The following ATP9B variants were observed in gnomAD, a reference collection of about 807,000 sequenced individuals.
ATP9B encodes ATPase phospholipid transporting 9B.
A neutral mutation model predicts 146.1 loss-of-function variants in ATP9B; 110 were observed. The observed-to-expected ratio is 0.75, with a 90% confidence interval of 0.65 to 0.88. The LOEUF is 0.88. Ranked by LOEUF, ATP9B falls within the 40% of genes least tolerant of loss-of-function variation. ATP9B has a pLI of 0.00. For missense variants in ATP9B, 1,499 were observed against 1,496.4 expected (o/e 1.00, Z -0.03); for synonymous variants, 604 against 569.7 (o/e 1.06, Z -0.86).
rs767485581 is a variant in ATP9B, at chr18:79,377,772, C to T, written c.*389C>T. On this transcript the variant is annotated 3_prime_UTR_variant, in exon 30 of 30. Transcript: ENST00000426216. Reference sequence around the variant, plus strand: ...CTCTCAGTGTGAGGCTTCACCCATGCTAGGCAAGCCCAGGGCACAGATGCC... The same window carrying T: ...CTCTCAGTGTGAGGCTTCACCCATGTTAGGCAAGCCCAGGGCACAGATGCC... 8 of 201,720 alleles carry T rather than the reference C, an allele frequency of 4.0e-5. No homozygotes were observed. The highest frequency in any genetic ancestry group is 8.1e-5 in the Non-Finnish European group (8 of 98,430). 12.5% of individuals were successfully genotyped at this position (201,720 alleles called of 1,614,324 possible).
At position 79,071,399 on chromosome 18, in the gene ATP9B, C is replaced by CTTTTTTTTTTTTTTTTT. The variant is rs56119715; in HGVS notation, c.119+1884_119+1885insTTTTTTTTTTTTTTTTT. On this transcript the variant is annotated intron_variant, in intron 1 of 29. Transcript: ENST00000426216. ...ATTTCCCCTTTTTCTATTGTTCTTCCTTTTTTTTTTTTTTGAGACAGGGTC... is the reference window on the plus strand; with the variant it reads ...ATTTCCCCTTTTTCTATTGTTCTTCCTTTTTTTTTTTTTTTTTTTTTTTTTTTTTTTGAGACAGGGTC... 2.4e-3 allele frequency among the ~76,000 whole-genome samples: 168 copies of CTTTTTTTTTTTTTTTTT among 69,260 alleles called. 21 individuals carry two copies. Among genetic ancestry groups the CTTTTTTTTTTTTTTTTT allele is most frequent in the East Asian group, 6.3e-3 (19 of 3,034 alleles). 45.4% of individuals were successfully genotyped at this position (69,260 alleles called of 152,430 possible). A position where few individuals can be genotyped will look rare whatever the true frequency, so the allele number is the denominator to read the frequency against.
intron 13 of ATP9B, among the ~76,000 whole-genome samples, chr18:79,299,292 C>A (rs1599755751): frequency 1.3e-5 from 2 of 152,150 alleles, no homozygotes; most frequent in South Asian, 4.2e-4. Context: ...TAGAGAGCTC[C>A]TCACCCCCTC....
chr18:79,245,313 A>T (rs1306051352), intron 11 of ATP9B, among the ~76,000 whole-genome samples: 1 of 152,208 alleles, frequency 6.6e-6, no homozygotes, highest in Non-Finnish European at 1.5e-5. Flanking sequence ...ATGATGTTGC[A>T]TGTTGAGGTT....
At chr18:79,212,691 A>G (rs2095595334) in intron 10 of ATP9B, among the ~76,000 whole-genome samples, 1 of 152,184 alleles carries the variant, frequency 6.6e-6, no homozygotes, top group South Asian at 2.1e-4. Flanking sequence ...AGCTTTTTAT[A>G]GTATTGTATT....
chr18:79,319,919 A>G (rs1369304716), intron 15 of ATP9B, among the ~76,000 whole-genome samples: 2 of 152,172 alleles, frequency 1.3e-5, no homozygotes, highest in Non-Finnish European at 2.9e-5. Flanking sequence ...TTTGCATTTT[A>G]TATGCAAATA....
intron 15 of ATP9B, among the ~76,000 whole-genome samples, chr18:79,312,602 G>T (rs1448278992): frequency 2.0e-5 from 3 of 152,222 alleles, no homozygotes; most frequent in African/African-American, 7.2e-5. Flanking sequence ...CTTTTCAGGG[G>T]CTCACAAGCG....
intron 13 of ATP9B, among the ~76,000 whole-genome samples, chr18:79,295,200 C>G (rs1380893892): frequency 6.6e-6 from 1 of 152,046 alleles, no homozygotes; most frequent in Non-Finnish European, 1.5e-5. Flanking sequence ...GTATTATTAC[C>G]AGGAAAGTGG....
At chr18:79,127,470 G>A (rs893276082) in intron 5 of ATP9B, among the ~76,000 whole-genome samples, 5 of 152,092 alleles carry the variant, frequency 3.3e-5, no homozygotes, top group Admixed American at 6.5e-5. Context: ...GCAATGTGTG[G>A]TCCTTGGTCA....
At chr18:79,194,476 T>A (rs78231777) in intron 9 of ATP9B, 4,915 of 152,346 alleles carry the variant, frequency 0.032, 118 homozygotes, top group Non-Finnish European at 0.042. Flanking sequence ...AACGGGAGCG[T>A]ATGGCTCAGT....
At chr18:79,333,066 T>A (rs1197956556) in intron 17 of ATP9B, 2 of 152,288 alleles carry the variant, frequency 1.3e-5, no homozygotes, top group African/African-American at 4.8e-5. Flanking sequence ...GTACACTGGC[T>A]TCATTAGAGT....
chr18:79,188,199 G>A (rs1483394500), intron 8 of ATP9B, among the ~76,000 whole-genome samples: 2 of 152,274 alleles, frequency 1.3e-5, no homozygotes, highest in East Asian at 1.9e-4. Context: ...GAAGAAATAT[G>A]AGAGGATGTT....
rs572074230 is a variant in ATP9B, at chr18:79,091,489, C to T, written c.120-4987C>T. Among the ~76,000 whole-genome samples the T allele has an allele frequency of 4.6e-5, 7 of 152,234 alleles. No individual in the cohort carries two copies. In the South Asian group the frequency reaches 1.5e-3, roughly 32 times the overall value. ...GTTTTATAGTTTTCATCATAGAGAT[C>T]TTTCACTTCTTCGGTGAAGTTAATT... On this transcript the variant is annotated intron_variant, in intron 1 of 29. Coordinates refer to ENST00000426216, the MANE Select transcript of ATP9B (RefSeq NM_198531.5).
chr18:79,220,391 A>G (rs1600596887), intron 11 of ATP9B, among the ~76,000 whole-genome samples: 1 of 152,174 alleles, frequency 6.6e-6, no homozygotes, highest in Non-Finnish European at 1.5e-5. Flanking sequence ...TCTTGAGCCC[A>G]GGAGTTCGAG....
At chr18:79,234,857 T>G (rs1206907360) in intron 11 of ATP9B, among the ~76,000 whole-genome samples, 1 of 152,218 alleles carries the variant, frequency 6.6e-6, no homozygotes, top group African/African-American at 2.4e-5. Flanking sequence ...ATGTTTGTAT[T>G]ATAAGCTTAT....
rs368861626 is a variant in ATP9B, at chr18:79,339,347, T to C, written c.2283+1898T>C. Among the ~76,000 whole-genome samples, 20 of 151,848 alleles carry C rather than the reference T, an allele frequency of 1.3e-4. No individual in the cohort carries two copies. The South Asian group carries it at 4.2e-3, about 32-fold the overall frequency. On this transcript the variant is annotated intron_variant, in intron 19 of 29. Coordinates refer to ENST00000426216, the MANE Select transcript of ATP9B (RefSeq NM_198531.5). ...TGTGTCATGATCGCAGTAGGAAGTG[T>C]GTCATGAGACTATCATATCTGTCTG...
intron 6 of ATP9B, among the ~76,000 whole-genome samples, chr18:79,148,751 AT>A (rs2094633585): frequency 6.6e-6 from 1 of 152,236 alleles, no homozygotes; most frequent in Non-Finnish European, 1.5e-5. Context: ...AGAAATAAAA[AT>A]GTCTCAATTT....
chr18:79,351,555 T>C (rs1401944433), intron 25 of ATP9B, among the ~76,000 whole-genome samples: 1 of 152,212 alleles, frequency 6.6e-6, no homozygotes, highest in Non-Finnish European at 1.5e-5. Flanking sequence ...ATGATGTTTT[T>C]ACAAAATAAC....
intron 14 of ATP9B, among the ~76,000 whole-genome samples, chr18:79,306,263 GTCC>G (rs2096619918): frequency 6.6e-6 from 1 of 152,192 alleles, no homozygotes; most frequent in African/African-American, 2.4e-5. Flanking sequence ...TGGGGGGAGT[GTCC>G]TCTGACACCC....
chr18:79,269,342 A>G (rs1353031294), intron 12 of ATP9B, among the ~76,000 whole-genome samples: 1 of 152,226 alleles, frequency 6.6e-6, no homozygotes, highest in Non-Finnish European at 1.5e-5. Flanking sequence ...CTGTCCAACA[A>G]GTACTCATTC....
Sources: gnomAD v4.1 joint callset for allele counts (sites outside exome capture counted in the v4.1 genomes callset) on GRCh38, gnomAD v4.1.1 for gene constraint, MANE v1.5 for transcripts, NCBI Gene and HGNC (gene_info 2026-07-23, HGNC 2026-07-21) for gene names.